SPAG16: variants seen among roughly 807,000 people sequenced by gnomAD.
SPAG16 encodes sperm associated antigen 16.
Under a neutral mutation model 80.4 loss-of-function variants are expected in SPAG16, and 86 were observed. The ratio of observed to expected loss-of-function variants is 1.07; its 90% CI spans 0.90 to 1.28. The LOEUF (loss-of-function observed/expected upper bound fraction) is 1.28, where lower values mean the gene tolerates loss of function less well. Ranked by LOEUF, SPAG16 falls within the 50% of genes most tolerant of loss-of-function variation. SPAG16 has a pLI of 0.00. For missense variants in SPAG16, 870 were observed against 765.3 expected (o/e 1.14, Z -1.61); for synonymous variants, 294 against 265.9 (o/e 1.11, Z -1.03).
intron 10 of SPAG16, among the ~76,000 whole-genome samples, chr2:213,504,474 G>A (rs1323044163): frequency 2.0e-5 from 3 of 151,738 alleles, no homozygotes; most frequent in Non-Finnish European, 4.4e-5. Context: ...TGAACTTGAG[G>A]GCAAAAAAAT....
At chr2:213,485,295 A>G (rs1413647527) in intron 9 of SPAG16, among the ~76,000 whole-genome samples, 1 of 152,118 alleles carries the variant, frequency 6.6e-6, no homozygotes, top group African/African-American at 2.4e-5. Context: ...CACCCAGACA[A>G]TATTTTTCTT....
intron 10 of SPAG16, among the ~76,000 whole-genome samples, chr2:213,765,387 C>CA (rs987938727): frequency 2.0e-5 from 3 of 151,774 alleles, no homozygotes; most frequent in South Asian, 2.1e-4. Flanking sequence ...CAAAACAAAA[C>CA]AAAAAAAGAT....
intron 12 of SPAG16, among the ~76,000 whole-genome samples, chr2:213,976,580 T>C (rs1470809074): frequency 6.6e-6 from 1 of 152,016 alleles, no homozygotes; most frequent in Non-Finnish European, 1.5e-5. Flanking sequence ...TAGGGTATGA[T>C]CATGTGCATG....
intron 13 of SPAG16, among the ~76,000 whole-genome samples, chr2:214,058,559 A>C (rs2125164734): frequency 6.6e-6 from 1 of 152,314 alleles, no homozygotes; most frequent in South Asian, 2.1e-4. Context: ...AATTACCAAA[A>C]TGTGACACAG....
At chr2:213,584,524 T>A (rs2060400559) in intron 10 of SPAG16, among the ~76,000 whole-genome samples, 1 of 151,628 alleles carries the variant, frequency 6.6e-6, no homozygotes, top group African/African-American at 2.4e-5. Flanking sequence ...CACTATTTGA[T>A]TGAGGTAGTA....
chr2:213,615,436 C>T lies in SPAG16; in HGVS notation c.1070+125346C>T, dbSNP rs138711306. Among the ~76,000 whole-genome samples the T allele has an allele frequency of 4.9e-3, 748 of 152,086 alleles. 3 individuals carry two copies. Among genetic ancestry groups the T allele is most frequent in the African/African-American group, 0.016 (663 of 41,474 alleles). ...TGAGACCCTGTCTCTACTAAAAATG[C>T]AAAAATTACCTGGGTGGGATGGCAT... On this transcript the variant is annotated intron_variant, in intron 10 of 15. Coordinates refer to ENST00000331683, the MANE Select transcript of SPAG16 (RefSeq NM_024532.5).
At chr2:213,633,010 C>A (rs559818401) in intron 10 of SPAG16, among the ~76,000 whole-genome samples, 1 of 152,100 alleles carries the variant, frequency 6.6e-6, no homozygotes, top group Admixed American at 6.6e-5. Context: ...AGTACTCCCA[C>A]CTTTGTTTTT....
At chr2:213,451,298 CT>C (rs2071673998) in intron 9 of SPAG16, among the ~76,000 whole-genome samples, 1 of 152,078 alleles carries the variant, frequency 6.6e-6, no homozygotes, top group African/African-American at 2.4e-5. Context: ...GTACGTTATC[CT>C]CTTTTCCTAG....
At chr2:213,656,685 T>G (rs2063235608) in intron 10 of SPAG16, among the ~76,000 whole-genome samples, 1 of 152,242 alleles carries the variant, frequency 6.6e-6, no homozygotes, top group South Asian at 2.1e-4. Flanking sequence ...ATGAATTATG[T>G]AGACACTGAT....
rs142140410 is a variant in SPAG16, at chr2:213,632,804, A to G, written c.1070+142714A>G. Among the ~76,000 whole-genome samples the G allele has an allele frequency of 2.8e-4, 42 of 152,292 alleles. No individual in the cohort carries two copies. The East Asian group carries it at 7.5e-3, about 27-fold the overall frequency. On this transcript the variant is annotated intron_variant, in intron 10 of 15. Coordinates refer to ENST00000331683, the MANE Select transcript of SPAG16 (RefSeq NM_024532.5). ...TTGGCGTAAGTTAAACCATCCTTGC[A>G]TTCTAGGGATAAATCCCACTTGGTC...
rs950662948 is a variant in SPAG16 at position 214,176,280 on chromosome 2, T to TA, written c.1720+27024dup. On this transcript the variant is annotated intron_variant, in intron 15 of 15. Coordinates refer to ENST00000331683, the MANE Select transcript of SPAG16 (RefSeq NM_024532.5). ...TGTAAAGGAAAGAAACTTCTTTTTT[T>TA]AAAAAAAAAACAATATTATTGCTAG... 5.1e-4 allele frequency among the ~76,000 whole-genome samples: 77 copies of TA among 149,790 alleles called. 1 individual carries two copies. Among genetic ancestry groups the TA allele is most frequent in the Middle Eastern group, 3.4e-3 (1 of 292 alleles).
chr2:213,372,141 TTAA>T (rs1358197699), intron 8 of SPAG16, among the ~76,000 whole-genome samples: 3 of 152,034 alleles, frequency 2.0e-5, no homozygotes, highest in Non-Finnish European at 4.4e-5. Flanking sequence ...TTTTTTCAAA[TTAA>T]TTTCAAAAAG....
chr2:213,549,194 C>T (rs538580048), intron 10 of SPAG16, among the ~76,000 whole-genome samples: 7 of 151,710 alleles, frequency 4.6e-5, no homozygotes, highest in Admixed American at 6.6e-5. Context: ...TTCAAAAAGA[C>T]CTATAATATA....
At chr2:213,631,195 C>G (rs911548405) in intron 10 of SPAG16, among the ~76,000 whole-genome samples, 1 of 151,772 alleles carries the variant, frequency 6.6e-6, no homozygotes, top group Admixed American at 6.6e-5. Context: ...AGAGAAGTAC[C>G]CCCCCAAAAA....
chr2:214,318,154 T>A (rs1695821987), intron 15 of SPAG16, among the ~76,000 whole-genome samples: 1 of 152,130 alleles, frequency 6.6e-6, no homozygotes, highest in Non-Finnish European at 1.5e-5. Context: ...TCTGGAAGCG[T>A]CTGTTGCATG....
intron 9 of SPAG16, among the ~76,000 whole-genome samples, chr2:213,486,995 G>A (rs1032904989): frequency 2.0e-5 from 3 of 151,958 alleles, no homozygotes; most frequent in Non-Finnish European, 4.4e-5. Context: ...TTTAAGACAG[G>A]TATGATTGGG....
intron 13 of SPAG16, among the ~76,000 whole-genome samples, chr2:214,100,674 A>C (rs140936296): frequency 6.6e-6 from 1 of 152,246 alleles, no homozygotes; most frequent in East Asian, 1.9e-4. Flanking sequence ...AGTTCACTTA[A>C]GATAATGACC....
At chr2:214,011,674 T>G (rs896566373) in intron 12 of SPAG16, among the ~76,000 whole-genome samples, 1 of 152,202 alleles carries the variant, frequency 6.6e-6, no homozygotes, top group Admixed American at 6.5e-5. Context: ...GTGATTAAAA[T>G]ATTATCAGCC....
At chr2:213,804,053 C>T (rs760403801) in intron 10 of SPAG16, among the ~76,000 whole-genome samples, 2 of 152,102 alleles carry the variant, frequency 1.3e-5, no homozygotes, top group Non-Finnish European at 2.9e-5. Flanking sequence ...GTTTCTTTGT[C>T]AGTATTGAAT....
Sources: allele counts gnomAD v4.1 joint callset (sites outside exome capture counted in the v4.1 genomes callset), GRCh38; gene constraint gnomAD v4.1.1; transcripts MANE v1.5; gene names NCBI Gene and HGNC (gene_info 2026-07-23, HGNC 2026-07-21).